The following MAGT1 variants were observed in gnomAD, a reference collection of about 807,000 sequenced individuals.
MAGT1 encodes the protein dolichyl-diphosphooligosaccharide--protein glycosyltransferase subunit MAGT1.
A neutral mutation model predicts 28.4 loss-of-function variants in MAGT1; 4 were observed. The ratio of observed to expected loss-of-function variants is 0.14; its 90% confidence interval spans 0.07 to 0.32. The LOEUF is 0.32. Among genes scored for constraint, MAGT1 ranks in the 10% least tolerant of loss-of-function variants. The pLI, the probability that MAGT1 is intolerant of heterozygous loss-of-function variation, is 1.00. For synonymous variants in MAGT1, 89 were observed against 89.7 expected, an observed-to-expected ratio of 0.99 and a Z score of 0.04; for missense variants, 193 against 264.5, an observed-to-expected ratio of 0.73 and a Z score of 1.88.
chrX:77,835,336 TG>T (rs1569547829), intron 8 of MAGT1, among the ~76,000 whole-genome samples: 3 of 111,614 alleles, frequency 2.7e-5, no homozygotes, highest in African/African-American at 9.8e-5. Context: ...TCAACATCAA[TG>T]ATCATCAGAG....
In MAGT1 at chrX:77,877,627, A is replaced by G. The variant is rs189680787; in HGVS notation, c.103-2030T>C. On this transcript the variant is annotated intron_variant, in intron 1 of 9. Transcript: ENST00000618282. ...AAGGAGTTCGAGAACAGCCTGGCCA[A>G]CATGGTGAAACCCTGTCTCTAATAA... is the stretch of plus-strand genomic sequence containing the variant. Among the ~76,000 whole-genome samples the G allele has an allele frequency of 6.4e-3, 688 of 107,393 alleles. 6 individuals carry two copies. Among genetic ancestry groups the G allele is most frequent in the Non-Finnish European group, 0.011 (563 of 51,869 alleles). 93.3% of individuals were successfully genotyped at this position (107,393 alleles called of 115,157 possible).
At chrX:77,887,303 C>T (rs1009367622) in intron 1 of MAGT1, among the ~76,000 whole-genome samples, 6 of 111,430 alleles carry the variant, frequency 5.4e-5, no homozygotes, top group African/African-American at 1.6e-4. Context: ...TGCTATGTTG[C>T]GCAGGCTGGT....
At chrX:77,871,239 T>C (rs1453225083) in intron 2 of MAGT1, among the ~76,000 whole-genome samples, 2 of 112,531 alleles carry the variant, frequency 1.8e-5, no homozygotes, top group Non-Finnish European at 3.7e-5. Flanking sequence ...TAATCGCCTC[T>C]ACAATAACTT....
Position 77,830,573 on chromosome X carries a change from C to T in MAGT1, c.992+232G>A, listed in dbSNP as rs147679708. ...GAGGTTGCAGTGAGCCGAGATTGCG[C>T]CATTGCACTCCAGTCTGGGCAACAA... On this transcript the variant is annotated intron_variant, in intron 9 of 9. Coordinates refer to ENST00000618282, the MANE Select transcript of MAGT1 (RefSeq NM_001367916.1). Among the ~76,000 whole-genome samples, 618 of 110,084 alleles carry T rather than the reference C, an allele frequency of 5.6e-3. 5 individuals carry two copies. Among genetic ancestry groups the T allele is most frequent in the Non-Finnish European group, 7.9e-3 (414 of 52,716 alleles).
intron 3 of MAGT1, among the ~76,000 whole-genome samples, chrX:77,862,753 C>A (rs2076998001): frequency 9.0e-6 from 1 of 111,492 alleles, no homozygotes; most frequent in Admixed American, 9.7e-5. Context: ...AGAAAAGCTC[C>A]TTTTCTGCTC....
chrX:77,864,298 A>G (rs901854888), intron 3 of MAGT1, among the ~76,000 whole-genome samples: 1 of 109,275 alleles, frequency 9.2e-6, no homozygotes, highest in Non-Finnish European at 1.9e-5. Flanking sequence ...GGAGCGGGCA[A>G]TGAAGAGAGG....
intron 1 of MAGT1, among the ~76,000 whole-genome samples, chrX:77,887,804 T>G (rs1483368952): frequency 2.7e-5 from 3 of 112,237 alleles, no homozygotes; most frequent in Admixed American, 9.5e-5. Flanking sequence ...ATGCAAATAC[T>G]TTTCCCGCTA....
Position 77,827,967 on chromosome X carries a change from A to C in MAGT1, c.*1253T>G, listed in dbSNP as rs1247090976. ...TTAACACCATACTCAAGCAGAAATT[A>C]TAATCCTGTATTTAGAGATACTTTT... On this transcript the variant is annotated 3_prime_UTR_variant, in exon 10 of 10. Coordinates refer to ENST00000618282, the MANE Select transcript of MAGT1 (RefSeq NM_001367916.1). 9.0e-6 allele frequency: 1 copy of C among 111,019 alleles called. No homozygotes were observed. The highest frequency in any genetic ancestry group is 3.3e-5 in the African/African-American group (1 of 30,614). 9.1% of individuals were successfully genotyped at this position (111,019 alleles called of 1,213,427 possible). A position where few individuals can be genotyped will look rare whatever the true frequency, so the allele number is the denominator to read the frequency against.
intron 3 of MAGT1, among the ~76,000 whole-genome samples, chrX:77,865,558 G>T (rs1313774463): frequency 9.1e-6 from 1 of 110,428 alleles, no homozygotes; most frequent in East Asian, 2.9e-4. Context: ...CTCCCAAAGT[G>T]CTGGGATTAC....
intron 1 of MAGT1, among the ~76,000 whole-genome samples, chrX:77,888,534 ATCTT>A (rs2077073164): frequency 9.0e-6 from 1 of 111,624 alleles, no homozygotes; most frequent in Non-Finnish European, 1.9e-5. Context: ...GTTTAATTTC[ATCTT>A]ACCTGCTTGC....
intron 8 of MAGT1, among the ~76,000 whole-genome samples, chrX:77,833,122 GAACT>G (rs781798810): frequency 5.3e-4 from 59 of 112,097 alleles, no homozygotes; most frequent in Non-Finnish European, 8.3e-4. Flanking sequence ...TTACTAAACA[GAACT>G]AACATCAGAA....
chrX:77,891,786 A>G (rs781782833), intron 1 of MAGT1, among the ~76,000 whole-genome samples: 7 of 111,697 alleles, frequency 6.3e-5, no homozygotes, highest in Non-Finnish European at 1.3e-4. Context: ...TTAAAAATTT[A>G]AAAAGAAAAA....
At chrX:77,885,787 C>A (rs1557218961) in intron 1 of MAGT1, among the ~76,000 whole-genome samples, 1 of 110,527 alleles carries the variant, frequency 9.0e-6, no homozygotes, top group African/African-American at 3.3e-5. Context: ...CAAGACCAGC[C>A]TGACCAACAT....
Position 77,870,803 on chromosome X carries a change from C to A in MAGT1, c.390+5G>T. ...TTATATAGCAGAATAAACCAAAGAT[C>A]TTACCATCTGAAATACATCAGAGCC... On this transcript the variant is annotated splice_donor_5th_base_variant and intron_variant, in intron 3 of 9. Coordinates refer to ENST00000618282, the MANE Select transcript of MAGT1 (RefSeq NM_001367916.1). The A allele has an allele frequency of 8.9e-7, 1 of 1,125,283 alleles. No individual in the cohort carries two copies. The highest frequency in any genetic ancestry group is 1.2e-6 in the Non-Finnish European group (1 of 817,013). The allele number at this position is 1,125,283 out of a possible 1,213,427, so 92.7% of individuals were successfully genotyped here.
chrX:77,848,526 T>G (rs782116969), intron 7 of MAGT1, among the ~76,000 whole-genome samples: 2 of 111,443 alleles, frequency 1.8e-5, no homozygotes, highest in Admixed American at 9.7e-5. Flanking sequence ...TTCAGATTTC[T>G]TTGTAATTTT....
At chrX:77,837,556 C>T (rs1004291081) in intron 8 of MAGT1, among the ~76,000 whole-genome samples, 7 of 110,805 alleles carry the variant, frequency 6.3e-5, no homozygotes, top group African/African-American at 2.3e-4. Context: ...ATCCTCCTGT[C>T]CCAGCCTCAC....
intron 2 of MAGT1, among the ~76,000 whole-genome samples, chrX:77,873,470 A>C (rs2077025236): frequency 8.9e-6 from 1 of 112,807 alleles, no homozygotes; most frequent in South Asian, 3.6e-4. Context: ...ATAAATAAAA[A>C]GACACTAAAA....
intron 7 of MAGT1, among the ~76,000 whole-genome samples, chrX:77,847,399 G>T (rs188592978): frequency 1.5e-3 from 168 of 111,915 alleles, no homozygotes; most frequent in African/African-American, 5.4e-3. Flanking sequence ...GCGATGCCTC[G>T]CCCTGCTTCG....
At chrX:77,863,291 T>C (rs2076999409) in intron 3 of MAGT1, among the ~76,000 whole-genome samples, 1 of 109,950 alleles carries the variant, frequency 9.1e-6, no homozygotes, top group African/African-American at 3.3e-5. Flanking sequence ...GGTGGGCGGA[T>C]CACGAGGTCA....
Sources: gnomAD v4.1 joint callset for allele counts (sites outside exome capture counted in the v4.1 genomes callset) on GRCh38, gnomAD v4.1.1 for gene constraint, MANE v1.5 for transcripts, NCBI Gene and HGNC (gene_info 2026-07-23, HGNC 2026-07-21) for gene names.